PID1: variants seen among roughly 807,000 people sequenced by gnomAD.
The protein encoded by PID1 is PTB-containing, cubilin and LRP1-interacting protein.
Under a neutral mutation model 19.1 loss-of-function variants are expected in PID1, and 10 were observed. That is an observed-to-expected ratio of 0.52 (90% CI 0.32 to 0.89). The LOEUF (loss-of-function observed/expected upper bound fraction) is 0.89. Among genes scored for constraint, PID1 ranks in the 40% least tolerant of loss-of-function variants. PID1 has a pLI of 0.03. For missense variants in PID1, 248 were observed against 285.3 expected (o/e 0.87, Z 0.94); for synonymous variants, 130 against 116.0 (o/e 1.12, Z -0.78).
intron 1 of PID1, among the ~76,000 whole-genome samples, chr2:229,197,762 G>A (rs1375398837): frequency 1.3e-5 from 2 of 151,896 alleles, no homozygotes; most frequent in South Asian, 2.1e-4. Context: ...GGTGAATGAC[G>A]ACACCAATAC....
chr2:229,133,974 C>T (rs1389565901), intron 2 of PID1, among the ~76,000 whole-genome samples: 3 of 151,618 alleles, frequency 2.0e-5, no homozygotes, highest in South Asian at 2.1e-4. Flanking sequence ...GAGAAGGATA[C>T]ATTGTAAAAA....
At chr2:229,253,097 T>C (rs1399832700) in intron 1 of PID1, among the ~76,000 whole-genome samples, 1 of 152,154 alleles carries the variant, frequency 6.6e-6, no homozygotes, top group African/African-American at 2.4e-5. Flanking sequence ...AGAATCCACA[T>C]TGTCCTAGAG....
At chr2:229,205,794 G>T (rs532686232) in intron 1 of PID1, among the ~76,000 whole-genome samples, 11 of 152,186 alleles carry the variant, frequency 7.2e-5, no homozygotes, top group African/African-American at 2.6e-4. Context: ...TGTCCATTCA[G>T]CAGTTCTGCA....
chr2:229,236,360 G>A (rs1320320579), intron 1 of PID1: 1 of 152,148 alleles, frequency 6.6e-6, no homozygotes, highest in East Asian at 1.9e-4. Flanking sequence ...AAGAGATTTG[G>A]AGAGTTAGGC....
chr2:229,217,129 C>A (rs1369463883), intron 1 of PID1, among the ~76,000 whole-genome samples: 2 of 152,184 alleles, frequency 1.3e-5, no homozygotes, highest in Non-Finnish European at 2.9e-5. Context: ...GAGCAGCCAA[C>A]TGGGGACAGA....
chr2:229,214,122 G>T (rs12989741), intron 1 of PID1, among the ~76,000 whole-genome samples: 77,735 of 151,958 alleles, frequency 0.51, 20,469 homozygotes, highest in African/African-American at 0.57. Context: ...CTTCTAAGTA[G>T]TGTTTGTTAG....
At chr2:229,159,240 G>T (rs994893354) in intron 1 of PID1, among the ~76,000 whole-genome samples, 1 of 152,128 alleles carries the variant, frequency 6.6e-6, no homozygotes. Context: ...AAGACAAAGT[G>T]TCTTTTCCAC....
At chr2:229,068,283 T>C (rs112588601) in intron 2 of PID1, among the ~76,000 whole-genome samples, 123 of 152,280 alleles carry the variant, frequency 8.1e-4, no homozygotes, top group African/African-American at 2.8e-3. Flanking sequence ...GTCTCCACAG[T>C]GCCAGAAACT....
intron 1 of PID1, among the ~76,000 whole-genome samples, chr2:229,242,203 C>T (rs1689888241): frequency 6.6e-6 from 1 of 152,062 alleles, no homozygotes; most frequent in African/African-American, 2.4e-5. Context: ...TCAGAGACCT[C>T]TACCTCTAGA....
intron 2 of PID1, among the ~76,000 whole-genome samples, chr2:229,029,122 C>T (rs954835712): frequency 2.0e-5 from 3 of 151,992 alleles, no homozygotes; most frequent in Non-Finnish European, 4.4e-5. Context: ...TACCAAGCAT[C>T]ATGCTCACTA....
At chr2:229,178,482 A>G (rs1292411196) in intron 1 of PID1, among the ~76,000 whole-genome samples, 1 of 152,202 alleles carries the variant, frequency 6.6e-6, no homozygotes, top group Non-Finnish European at 1.5e-5. Context: ...AAGAAAATAC[A>G]GGTAATAATT....
rs1287677457 is a variant in PID1, at chr2:229,163,672, T to TGC, written c.31-7709_31-7708insGC. On this transcript the variant is annotated intron_variant, in intron 1 of 2. Coordinates refer to ENST00000392055, the MANE Select transcript of PID1 (RefSeq NM_001100818.2). Reference sequence around the variant, plus strand: ...GAGAGTGTGTGTGTGTGTGTGTGTGTGTGCGTGTGCGTGTGTGTGTGTGTA... The same window carrying TGC: ...GAGAGTGTGTGTGTGTGTGTGTGTGTGCGTGCGTGTGCGTGTGTGTGTGTGTA... Among the ~76,000 whole-genome samples, 6 of 25,886 alleles carry TGC rather than the reference T, an allele frequency of 2.3e-4. No homozygotes were observed. In the Non-Finnish European group the frequency reaches 2.9e-3, roughly 13 times the overall value. The allele number at this position is 25,886 out of a possible 152,430, so 17.0% of individuals were successfully genotyped here. A position where few individuals can be genotyped will look rare whatever the true frequency, so the allele number is the denominator to read the frequency against.
intron 2 of PID1, among the ~76,000 whole-genome samples, chr2:229,086,197 G>A (rs912308148): frequency 6.6e-6 from 1 of 151,872 alleles, no homozygotes; most frequent in Non-Finnish European, 1.5e-5. Flanking sequence ...CTTATGATGC[G>A]GTTACATTCC....
At chr2:229,073,881 T>C (rs1694507027) in intron 2 of PID1, among the ~76,000 whole-genome samples, 1 of 152,214 alleles carries the variant, frequency 6.6e-6, no homozygotes, top group African/African-American at 2.4e-5. Context: ...ACTTTCTTAT[T>C]TTAGAGGCCG....
At chr2:229,149,750 A>G (rs1423962709) in intron 2 of PID1, among the ~76,000 whole-genome samples, 1 of 152,208 alleles carries the variant, frequency 6.6e-6, no homozygotes, top group African/African-American at 2.4e-5. Flanking sequence ...AGCCAGGCCA[A>G]GTGCCTCACT....
chr2:229,237,361 T>C (rs1689734152), intron 1 of PID1, among the ~76,000 whole-genome samples: 1 of 152,204 alleles, frequency 6.6e-6, no homozygotes, highest in Non-Finnish European at 1.5e-5. Flanking sequence ...ACAAATGTTA[T>C]GTGAACATCT....
At chr2:229,104,156 G>A (rs1695128642) in intron 2 of PID1, among the ~76,000 whole-genome samples, 2 of 152,244 alleles carry the variant, frequency 1.3e-5, no homozygotes, top group East Asian at 1.9e-4. Context: ...TATAACAAGC[G>A]AAGCAAGGAA....
At chr2:229,127,788 A>G (rs1420947322) in intron 2 of PID1, among the ~76,000 whole-genome samples, 1 of 152,178 alleles carries the variant, frequency 6.6e-6, no homozygotes, top group Non-Finnish European at 1.5e-5. Flanking sequence ...ACAGTTCTAG[A>G]TCACGAAAAA....
intron 1 of PID1, among the ~76,000 whole-genome samples, chr2:229,181,668 T>G (rs886522800): frequency 6.6e-6 from 1 of 152,244 alleles, no homozygotes; most frequent in African/African-American, 2.4e-5. Context: ...ATCTTAATTT[T>G]ACATTTAGAA....
Sources: gnomAD v4.1 joint callset for allele counts (sites outside exome capture counted in the v4.1 genomes callset) on GRCh38, gnomAD v4.1.1 for gene constraint, MANE v1.5 for transcripts, NCBI Gene and HGNC (gene_info 2026-07-23, HGNC 2026-07-21) for gene names.